The following ROCK2 variants were observed in gnomAD, a reference collection of about 807,000 sequenced individuals.
ROCK2 encodes the protein Rho associated coiled-coil containing protein kinase 2.
ROCK2 carries 61 observed loss-of-function variants against 195.1 expected under a neutral mutation model. The ratio of observed to expected loss-of-function variants is 0.31; its 90% CI spans 0.25 to 0.39. ROCK2 has a LOEUF of 0.39. ROCK2 is among the 10% of genes least tolerant of loss of function. ROCK2 has a pLI of 1.00. For missense variants in ROCK2, 1,109 were observed against 1,637.4 expected, an observed-to-expected ratio of 0.68 and a Z score of 5.57; for synonymous variants, 504 against 545.5, an observed-to-expected ratio of 0.92 and a Z score of 1.06.
chr2:11,289,921 T>C (rs1345395421), intron 1 of ROCK2, among the ~76,000 whole-genome samples: 1 of 152,236 alleles, frequency 6.6e-6, no homozygotes, highest in Non-Finnish European at 1.5e-5. Flanking sequence ...TATAAAACCA[T>C]TTTTTAAAGA....
At chr2:11,297,544 T>C (rs1223307806) in intron 1 of ROCK2, among the ~76,000 whole-genome samples, 1 of 152,124 alleles carries the variant, frequency 6.6e-6, no homozygotes, top group Non-Finnish European at 1.5e-5. Flanking sequence ...CTATAAGTCA[T>C]ATGTTGTTTT....
rs968989611 is a variant in ROCK2 at position 11,180,682 on chromosome 2, T to A, written c.*2755A>T. On this transcript the variant is annotated 3_prime_UTR_variant, in exon 33 of 33. Coordinates refer to ENST00000315872, the MANE Select transcript of ROCK2 (RefSeq NM_004850.5). ...GAGGTATTTATGGTTCTAGGAGAAA[T>A]CAGGTGTGAAGGAACAAGCAAATTT... The A allele has an allele frequency of 3.9e-5, 6 of 152,278 alleles. No individual in the cohort carries two copies. The highest frequency in any genetic ancestry group is 1.4e-4 in the African/African-American group (6 of 41,548). The allele number at this position is 152,278 out of a possible 1,614,324, so 9.4% of individuals were successfully genotyped here.
intron 20 of ROCK2, among the ~76,000 whole-genome samples, chr2:11,202,479 GATAATA>G (rs200175353): frequency 2.0e-5 from 3 of 150,216 alleles, no homozygotes; most frequent in Non-Finnish European, 3.0e-5. Flanking sequence ...AACCCTTGAT[GATAATA>G]ATAATAATAA....
At chr2:11,259,988 A>T (rs1468160856) in intron 3 of ROCK2, among the ~76,000 whole-genome samples, 1 of 151,476 alleles carries the variant, frequency 6.6e-6, no homozygotes, top group African/African-American at 2.5e-5. Context: ...ACAGGTGGGG[A>T]GTGGGAATTT....
chr2:11,207,362 C>T (rs1664089271), intron 20 of ROCK2, among the ~76,000 whole-genome samples: 2 of 152,178 alleles, frequency 1.3e-5, no homozygotes, highest in Admixed American at 1.3e-4. Flanking sequence ...GTTTATTTAA[C>T]AGTCAAACAT....
intron 17 of ROCK2, among the ~76,000 whole-genome samples, 167 bp downstream of exon 17, chr2:11,214,190 G>A (rs910348810): frequency 6.6e-6 from 1 of 151,944 alleles, no homozygotes; most frequent in African/African-American, 2.4e-5. Flanking sequence ...CAGTGTTATG[G>A]TAAGCCTGCA....
intron 1 of ROCK2, among the ~76,000 whole-genome samples, chr2:11,293,295 G>A (rs1057022336): frequency 6.6e-6 from 1 of 152,152 alleles, no homozygotes; most frequent in Non-Finnish European, 1.5e-5. Flanking sequence ...TAACTTTGAG[G>A]AGAAAAACTT....
intron 1 of ROCK2, among the ~76,000 whole-genome samples, chr2:11,298,164 A>G (rs1667594903): frequency 6.6e-6 from 1 of 152,092 alleles, no homozygotes; most frequent in African/African-American, 2.4e-5. Context: ...ATAATAATGA[A>G]CTTACTGACA....
At chr2:11,316,554 T>C (rs1229087003) in intron 1 of ROCK2, among the ~76,000 whole-genome samples, 1 of 152,198 alleles carries the variant, frequency 6.6e-6, no homozygotes, top group African/African-American at 2.4e-5. Context: ...TCAGTAGTTC[T>C]GGCATGTGTC....
intron 1 of ROCK2, among the ~76,000 whole-genome samples, chr2:11,326,039 AAAAAGAATGTAGTTGTAGAT>A (rs1668540111): frequency 6.6e-6 from 1 of 152,198 alleles, no homozygotes; most frequent in Admixed American, 6.5e-5. Flanking sequence ...CAATAGGGGA[AAAAAGAATGTAGTTGTAGAT>A]ATGTTATCAT....
At chr2:11,262,614 C>T (rs1666268897) in intron 3 of ROCK2, among the ~76,000 whole-genome samples, 1 of 152,176 alleles carries the variant, frequency 6.6e-6, no homozygotes, top group African/African-American at 2.4e-5. Context: ...TGCACAAGCT[C>T]TCTTTGCCTG....
At chr2:11,251,441 T>C (rs1197632827) in intron 3 of ROCK2, among the ~76,000 whole-genome samples, 1 of 152,230 alleles carries the variant, frequency 6.6e-6, no homozygotes, top group African/African-American at 2.4e-5. Context: ...TTCCCCATAC[T>C]ACAAATGGGA....
rs1662952911 is a variant in ROCK2, at chr2:11,180,835, T to C, written c.*2602A>G. On this transcript the variant is annotated 3_prime_UTR_variant, in exon 33 of 33. Transcript: ENST00000315872. ...ATTGATAGGTGCATGCACTCATGTATGTACATGAAAGCGGCAATGCGGTAA... is the reference window on the plus strand; with the variant it reads ...ATTGATAGGTGCATGCACTCATGTACGTACATGAAAGCGGCAATGCGGTAA... 6.6e-6 allele frequency: 1 copy of C among 152,222 alleles called. No individual in the cohort carries two copies. Among genetic ancestry groups the C allele is most frequent in the South Asian group, 2.1e-4 (1 of 4,836 alleles). The allele number at this position is 152,222 out of a possible 1,614,324, so 9.4% of individuals were successfully genotyped here. A position where few individuals can be genotyped will look rare whatever the true frequency, so the allele number is the denominator to read the frequency against.
At chr2:11,186,088 C>T (rs1663187376) in intron 32 of ROCK2, among the ~76,000 whole-genome samples, 1 of 152,128 alleles carries the variant, frequency 6.6e-6, no homozygotes, top group African/African-American at 2.4e-5. Context: ...GATGATTACT[C>T]TAATTTAAAA....
intron 1 of ROCK2, among the ~76,000 whole-genome samples, chr2:11,315,310 C>T (rs1668156838): frequency 6.6e-6 from 1 of 152,038 alleles, no homozygotes; most frequent in South Asian, 2.1e-4. Flanking sequence ...GAATTCAATA[C>T]TGCAGTGTAT....
chr2:11,197,416 A>G lies in ROCK2; in HGVS notation c.3280-68T>C. 1 of 1,538,032 alleles carries G rather than the reference A, an allele frequency of 6.5e-7. No homozygotes were observed. The highest frequency in any genetic ancestry group is 8.9e-7 in the Non-Finnish European group (1 of 1,127,752). On this transcript the variant is annotated intron_variant, in intron 26 of 32. Coordinates refer to ENST00000315872, the MANE Select transcript of ROCK2 (RefSeq NM_004850.5). The surrounding 1 kb of genome is among the most constrained non-coding windows in gnomAD (Gnocchi z 4.9). ...AACTCAACATTTTGCTTCTTGGTTC[A>G]ATAATAATTATTAAATAGAAATGGT... is the stretch of plus-strand genomic sequence containing the variant.
At chr2:11,255,216 C>CAAAAAAAA (rs70953375) in intron 3 of ROCK2, among the ~76,000 whole-genome samples, 64 of 109,154 alleles carry the variant, frequency 5.9e-4, no homozygotes, top group East Asian at 2.4e-3. Context: ...GACCCCATCT[C>CAAAAAAAA]AAAAAAAAAA....
chr2:11,238,240 G>GTGTGTGTGTGTGTGTGTGTGTGTGTC (rs1558317275), intron 4 of ROCK2, among the ~76,000 whole-genome samples: 2 of 149,080 alleles, frequency 1.3e-5, no homozygotes, highest in African/African-American at 5.0e-5. Flanking sequence ...GTGTGTGTGT[G>GTGTGTGTGTGTGTGTGTGTGTGTGTC]TCTGTTGTGT....
chr2:11,257,047 G>C (rs1358439845), intron 3 of ROCK2, among the ~76,000 whole-genome samples: 1 of 151,302 alleles, frequency 6.6e-6, no homozygotes, highest in East Asian at 1.9e-4. Flanking sequence ...AGAAAATATA[G>C]CCCAAAATAA....
Sources: gnomAD v4.1 joint callset for allele counts (sites outside exome capture counted in the v4.1 genomes callset) on GRCh38, gnomAD v4.1.1 for gene constraint, Gnocchi (gnomAD v3.1) non-coding constraint, MANE v1.5 for transcripts, NCBI Gene and HGNC (gene_info 2026-07-23, HGNC 2026-07-21) for gene names.